Variants in CCDC138 observed in about 807,000 individuals in gnomAD.
CCDC138 encodes coiled-coil domain-containing protein 138.
In CCDC138, 66 loss-of-function variants were observed where a neutral mutation model predicts 82.3. The ratio of observed to expected loss-of-function variants is 0.80; its 90% CI spans 0.66 to 0.98. The LOEUF is 0.98. Ranked by LOEUF, CCDC138 falls within the 50% of genes least tolerant of loss-of-function variation. The pLI, the probability that CCDC138 is intolerant of heterozygous loss-of-function variation, is 0.00. For synonymous variants in CCDC138, 297 were observed against 265.4 expected (o/e 1.12, Z -1.16); for missense variants, 816 against 758.9 (o/e 1.08, Z -0.88).
chr2:108,824,765 T>G (rs1036838845), intron 10 of CCDC138, among the ~76,000 whole-genome samples: 1 of 149,010 alleles, frequency 6.7e-6, no homozygotes, highest in Admixed American at 6.7e-5. Context: ...AGCACAGTAG[T>G]TTTTTTTTTA....
intron 2 of CCDC138, chr2:108,884,338 A>G (rs920617140): frequency 1.3e-5 from 2 of 152,208 alleles, no homozygotes; most frequent in Non-Finnish European, 2.9e-5. Flanking sequence ...TTTGGAAGAT[A>G]AACACTCCTC....
chr2:108,873,409 C>G, intron 13 of CCDC138, 42 bp from the exon 14 acceptor site: 1 of 1,430,306 alleles, frequency 7.0e-7, no homozygotes, highest in Non-Finnish European at 9.2e-7. Context: ...TTTCCTTTTT[C>G]GCTACTCCCT....
intron 13 of CCDC138, among the ~76,000 whole-genome samples, chr2:108,870,256 A>G (rs1011923031): frequency 6.6e-6 from 1 of 152,234 alleles, no homozygotes; most frequent in Non-Finnish European, 1.5e-5. Context: ...AGACTTGAAC[A>G]GGCAAAAGAA....
At chr2:108,872,965 A>G (rs1308136777) in intron 13 of CCDC138, among the ~76,000 whole-genome samples, 3 of 152,172 alleles carry the variant, frequency 2.0e-5, no homozygotes, top group Non-Finnish European at 4.4e-5. Context: ...TTTTAAATGA[A>G]TCTTTTCCCT....
chr2:108,880,425 T>G (rs1696260785), downstream of CCDC138, among the ~76,000 whole-genome samples: 1 of 152,218 alleles, frequency 6.6e-6, no homozygotes, highest in Non-Finnish European at 1.5e-5. Context: ...CTTTCTCCCA[T>G]GAATTATGAA....
At chr2:108,813,008 G>A in intron 9 of CCDC138, 81 bp downstream of exon 9, 1 of 1,148,316 alleles carries the variant, frequency 8.7e-7, no homozygotes, top group Non-Finnish European at 1.3e-6. Flanking sequence ...CCAGCACTTT[G>A]GGAGGCTGAG....
At chr2:108,821,119 AGGCTAAGGTAGGT>A (rs555035811) in intron 10 of CCDC138, among the ~76,000 whole-genome samples, 153 of 152,302 alleles carry the variant, frequency 1.0e-3, no homozygotes, top group African/African-American at 3.4e-3. Context: ...GCACTTTAGG[AGGCTAAGGTAGGT>A]GGATCACCTG....
chr2:108,788,058 T>C lies in CCDC138; in HGVS notation c.120T>C (p.Ser40=), dbSNP rs762804213. 1.9e-6 allele frequency: 3 copies of C among 1,595,012 alleles called. No homozygotes were observed. The highest frequency in any genetic ancestry group is 2.6e-6 in the Non-Finnish European group (3 of 1,171,782). ...DEYDFSNFYQ[S]KYKRRTLTSP... is the part of the protein sequence containing the mutation. ...ATGATTTTTCAAATTTTTATCAGTC[T>C]AAGTATAAGAGAAGAACTCTAACCT... The change falls in exon 2 of 15, where the codon TCT becomes TCC. Residue 40 remains serine (S), a synonymous_variant. Coordinates refer to ENST00000295124, the MANE Select transcript of CCDC138 (RefSeq NM_144978.3).
intron 9 of CCDC138, 90 bp from the exon 10 acceptor site, chr2:108,815,851 T>C: frequency 9.2e-7 from 1 of 1,081,948 alleles, no homozygotes; most frequent in Non-Finnish European, 1.3e-6. Context: ...TTTAGTCAAA[T>C]TATTCTTATT....
chr2:108,850,030 C>T (rs202031259), intron 12 of CCDC138, among the ~76,000 whole-genome samples: 2 of 152,314 alleles, frequency 1.3e-5, no homozygotes, highest in East Asian at 3.9e-4. Context: ...CTGGCCAAAT[C>T]CCAGCACATG....
chr2:108,876,247 C>T lies in CCDC138; in HGVS notation c.1992C>T (p.Ser664=). ...TKCNSLVSSA[S]P ...GTAACTCCCTGGTCTCCAGTGCAAG[C>T]CCTTAGACTGGCTAATTTTTTAATA... The change falls in exon 15 of 15, where the codon AGC becomes AGT. Residue 664 remains serine (S), a synonymous_variant. Coordinates refer to ENST00000295124, the MANE Select transcript of CCDC138 (RefSeq NM_144978.3). The T allele has an allele frequency of 6.3e-7, 1 of 1,580,258 alleles. No homozygotes were observed. Among genetic ancestry groups the T allele is most frequent in the Non-Finnish European group, 8.6e-7 (1 of 1,163,522 alleles).
intron 13 of CCDC138, among the ~76,000 whole-genome samples, chr2:108,867,395 A>G (rs1176279734): frequency 6.6e-6 from 1 of 152,254 alleles, no homozygotes; most frequent in Admixed American, 6.5e-5. Context: ...AAATTCTCTC[A>G]GGAATGAGAA....
chr2:108,803,276 A>G (rs1246794332), intron 6 of CCDC138, among the ~76,000 whole-genome samples: 1 of 152,150 alleles, frequency 6.6e-6, no homozygotes, highest in Admixed American at 6.5e-5. Context: ...CAGGTTCGTA[A>G]ACACCAGAGT....
At chr2:108,823,020 T>C (rs1330876972) in intron 10 of CCDC138, among the ~76,000 whole-genome samples, 1 of 152,194 alleles carries the variant, frequency 6.6e-6, no homozygotes, top group Non-Finnish European at 1.5e-5. Flanking sequence ...TTATCAACAA[T>C]TGCATGCCAA....
intron 13 of CCDC138, among the ~76,000 whole-genome samples, chr2:108,860,883 CTCT>C (rs1239154272): frequency 7.6e-6 from 1 of 132,116 alleles, no homozygotes; most frequent in African/African-American, 2.7e-5. Flanking sequence ...TTGGTATCAG[CTCT>C]TCTTTGTTCA....
At chr2:108,843,844 TTGTGTG>T (rs71383805) in intron 11 of CCDC138, among the ~76,000 whole-genome samples, 275 of 22,826 alleles carry the variant, frequency 0.012, 27 homozygotes, top group Non-Finnish European at 0.045. Flanking sequence ...AGTTCATGTT[TTGTGTG>T]TGTGTGTGTG....
At chr2:108,804,773 G>A (rs1573982161) in intron 6 of CCDC138, 116 bp from the exon 7 acceptor site, 1 of 975,092 alleles carries the variant, frequency 1.0e-6, no homozygotes, top group Admixed American at 3.1e-5. Context: ...TGCATACACT[G>A]ATTAAAGTTT....
At chr2:108,850,146 A>G (rs1691208269) in intron 12 of CCDC138, among the ~76,000 whole-genome samples, 1 of 152,218 alleles carries the variant, frequency 6.6e-6, no homozygotes. Flanking sequence ...ACTGAAAAAA[A>G]TTCTGGGAGA....
chr2:108,861,472 CTTTTTTTTTT>C lies in CCDC138; in HGVS notation c.1693+4519_1693+4528del, dbSNP rs201132350. On this transcript the variant is annotated intron_variant, in intron 13 of 14. Coordinates refer to ENST00000295124, the MANE Select transcript of CCDC138 (RefSeq NM_144978.3). ...ACATTTAGCACTATAAACTTTCTTCCTTTTTTTTTTTTTTTTTTTTTTTTTTGAGATGGAG... is the reference window on the plus strand; with the variant it reads ...ACATTTAGCACTATAAACTTTCTTCCTTTTTTTTTTTTTTTTGAGATGGAG... Among the ~76,000 whole-genome samples the C allele has an allele frequency of 1.6e-5, 2 of 123,552 alleles. 1 individual carries two copies. Among genetic ancestry groups the C allele is most frequent in the African/African-American group, 7.7e-5 (2 of 25,858 alleles). 81.1% of individuals were successfully genotyped at this position (123,552 alleles called of 152,430 possible). A position where few individuals can be genotyped will look rare whatever the true frequency, so the allele number is the denominator to read the frequency against.
Sources: allele counts gnomAD v4.1 joint callset (sites outside exome capture counted in the v4.1 genomes callset), GRCh38; gene constraint gnomAD v4.1.1; transcripts MANE v1.5; gene names NCBI Gene and HGNC (gene_info 2026-07-23, HGNC 2026-07-21).